Variants in NXPH2 observed in about 807,000 individuals in gnomAD.
NXPH2 encodes the protein neurexophilin 2.
Under a neutral mutation model 19.8 loss-of-function variants are expected in NXPH2, and 5 were observed. That is an observed-to-expected ratio of 0.25 (90% CI 0.13 to 0.53). The LOEUF is 0.53. Among genes scored for constraint, NXPH2 ranks in the 20% least tolerant of loss-of-function variants. The pLI is 0.96. For missense variants in NXPH2, 289 were observed against 322.8 expected (o/e 0.90, Z 0.80); for synonymous variants, 154 against 127.4 (o/e 1.21, Z -1.41).
At chr2:138,777,831 T>TAAACAAAAAAAA (rs1682289987) in intron 1 of NXPH2, among the ~76,000 whole-genome samples, 1 of 92,948 alleles carries the variant, frequency 1.1e-5, no homozygotes, top group Non-Finnish European at 2.0e-5. Context: ...ACCAAAAAAT[T>TAAACAAAAAAAA]AAAAAAAAAA....
In NXPH2 at chr2:138,701,596, T is replaced by C. The variant is rs182438312; in HGVS notation, c.52-29931A>G. Among the ~76,000 whole-genome samples, 453 of 152,304 alleles carry C rather than the reference T, an allele frequency of 3.0e-3. 1 individual carries two copies. Among genetic ancestry groups the C allele is most frequent in the African/African-American group, 9.8e-3 (409 of 41,574 alleles). On this transcript the variant is annotated intron_variant, in intron 1 of 1. Coordinates refer to ENST00000272641, the MANE Select transcript of NXPH2 (RefSeq NM_007226.3). Reference sequence around the variant, plus strand: ...GGTCAGGTGGGTATCATCTGCAGCATGCAGATGAGGAGATTGCGGCTTGGA... The same window carrying C: ...GGTCAGGTGGGTATCATCTGCAGCACGCAGATGAGGAGATTGCGGCTTGGA...
intron 1 of NXPH2, among the ~76,000 whole-genome samples, chr2:138,759,583 A>C (rs1681971097): frequency 6.6e-6 from 1 of 151,790 alleles, no homozygotes; most frequent in Non-Finnish European, 1.5e-5. Flanking sequence ...TTTTTTAAAG[A>C]GGATTTCCCA....
At chr2:138,732,708 C>T (rs1353946384) in intron 1 of NXPH2, among the ~76,000 whole-genome samples, 1 of 152,046 alleles carries the variant, frequency 6.6e-6, no homozygotes, top group Non-Finnish European at 1.5e-5. Flanking sequence ...TGCCAATATT[C>T]TGATTCTATT....
intron 1 of NXPH2, among the ~76,000 whole-genome samples, chr2:138,709,166 G>T (rs1423829810): frequency 2.0e-5 from 3 of 152,086 alleles, no homozygotes; most frequent in Non-Finnish European, 4.4e-5. Context: ...GGATGCTGGG[G>T]TGCTGGCTCC....
intron 1 of NXPH2, among the ~76,000 whole-genome samples, chr2:138,724,785 T>C (rs566782397): frequency 6.6e-6 from 1 of 152,362 alleles, no homozygotes; most frequent in African/African-American, 2.4e-5. Context: ...TAAATGTTAT[T>C]AATCAATTAG....
chr2:138,711,191 A>C (rs892662215), intron 1 of NXPH2, among the ~76,000 whole-genome samples: 1 of 120,762 alleles, frequency 8.3e-6, no homozygotes, highest in African/African-American at 3.2e-5. Context: ...CCTGGGCTGG[A>C]GTGCAATGGC....
At chr2:138,705,664 G>T (rs1459531594) in intron 1 of NXPH2, among the ~76,000 whole-genome samples, 1 of 152,108 alleles carries the variant, frequency 6.6e-6, no homozygotes, top group African/African-American at 2.4e-5. Flanking sequence ...ATCTCCCAAG[G>T]GAACCTATTT....
At chr2:138,676,523 T>C (rs1024807760) in intron 1 of NXPH2, among the ~76,000 whole-genome samples, 6 of 152,160 alleles carry the variant, frequency 3.9e-5, no homozygotes, top group African/African-American at 1.4e-4. Flanking sequence ...TGATATGATG[T>C]TTCCATCATA....
At chr2:138,755,178 T>C (rs896915536) in intron 1 of NXPH2, among the ~76,000 whole-genome samples, 1 of 152,094 alleles carries the variant, frequency 6.6e-6, no homozygotes, top group African/African-American at 2.4e-5. Context: ...GTGCTTTCAC[T>C]GAGAAGTTTT....
At chr2:138,711,709 C>T (rs140551379) in intron 1 of NXPH2, among the ~76,000 whole-genome samples, 153 of 152,294 alleles carry the variant, frequency 1.0e-3, no homozygotes, top group African/African-American at 3.7e-3. Context: ...TCCATGATAT[C>T]TCCTAACAGA....
chr2:138,775,677 G>C (rs1208223204), intron 1 of NXPH2, among the ~76,000 whole-genome samples: 1 of 152,010 alleles, frequency 6.6e-6, no homozygotes, highest in African/African-American at 2.4e-5. Flanking sequence ...AAAACCATAG[G>C]ATTGTGCCTG....
At chr2:138,764,461 T>A (rs77683046) in intron 1 of NXPH2, among the ~76,000 whole-genome samples, 193 of 152,258 alleles carry the variant, frequency 1.3e-3, no homozygotes, top group Non-Finnish European at 2.1e-3. Context: ...AATCCAATCA[T>A]CTCAATTTGC....
At chr2:138,681,029 AG>A in intron 1 of NXPH2, among the ~76,000 whole-genome samples, 1 of 152,220 alleles carries the variant, frequency 6.6e-6, no homozygotes, top group Non-Finnish European at 1.5e-5. Flanking sequence ...TGACCTCAGC[AG>A]GCCTGGCCTT....
chr2:138,725,405 T>A (rs1050550649), intron 1 of NXPH2, among the ~76,000 whole-genome samples: 1 of 152,218 alleles, frequency 6.6e-6, no homozygotes, highest in African/African-American at 2.4e-5. Flanking sequence ...CAATCTGTAA[T>A]AGATGTGAGC....
At position 138,671,621 on chromosome 2, in the gene NXPH2, C is replaced by T; in HGVS notation, c.96G>A (p.Leu32=). Residue 32 remains leucine (L), a synonymous_variant, in exon 2 of 2, where the codon CTG becomes CTA. Transcript: ENST00000272641. ...SKEVVHATEG[L]DWEDKDAPGT... is the part of the protein sequence containing the mutation. ...CTGGAGCATCTTTGTCTTCCCAATC[C>T]AGCCCCTCCGTGGCATGCACCACTT... The T allele has an allele frequency of 2.5e-6, 4 of 1,602,358 alleles. No individual in the cohort carries two copies. Among genetic ancestry groups the T allele is most frequent in the Non-Finnish European group, 3.4e-6 (4 of 1,174,822 alleles).
At chr2:138,734,291 A>C (rs1235467903) in intron 1 of NXPH2, among the ~76,000 whole-genome samples, 1 of 152,216 alleles carries the variant, frequency 6.6e-6, no homozygotes. Flanking sequence ...GGGCAGGTCT[A>C]GAATTCACAG....
chr2:138,700,990 G>A (rs1418497308), intron 1 of NXPH2, among the ~76,000 whole-genome samples: 3 of 152,052 alleles, frequency 2.0e-5, no homozygotes, highest in Admixed American at 1.3e-4. Flanking sequence ...TAAGAAAAGC[G>A]ACAAAGGCAG....
chr2:138,679,663 G>T (rs932773977), intron 1 of NXPH2, among the ~76,000 whole-genome samples: 6 of 152,096 alleles, frequency 3.9e-5, no homozygotes, highest in Non-Finnish European at 8.8e-5. Flanking sequence ...GCCTCCCAAA[G>T]TGTTGGGATT....
chr2:138,767,579 GT>G (rs1173943923), intron 1 of NXPH2, among the ~76,000 whole-genome samples: 1 of 151,876 alleles, frequency 6.6e-6, no homozygotes, highest in African/African-American at 2.4e-5. Context: ...TTCCTCTTCT[GT>G]CCTTCATATT....
Sources: gnomAD v4.1 joint callset for allele counts (sites outside exome capture counted in the v4.1 genomes callset) on GRCh38, gnomAD v4.1.1 for gene constraint, MANE v1.5 for transcripts, NCBI Gene and HGNC (gene_info 2026-07-23, HGNC 2026-07-21) for gene names.